The following CRK variants were observed in gnomAD, a reference collection of about 807,000 sequenced individuals.
CRK encodes the protein CRK proto-oncogene, adaptor protein.
In CRK, 4 loss-of-function variants were observed where a neutral mutation model predicts 29.8. The observed-to-expected ratio is 0.13, with a 90% confidence interval of 0.07 to 0.31. The LOEUF (loss-of-function observed/expected upper bound fraction) is 0.31, where lower values mean the gene tolerates loss of function less well. Among genes scored for constraint, CRK ranks in the 10% least tolerant of loss-of-function variants. CRK has a pLI of 1.00. For synonymous variants in CRK, 153 were observed against 164.9 expected (o/e 0.93, Z 0.55); for missense variants, 274 against 396.5 (o/e 0.69, Z 2.62).
At chr17:1,426,708 C>T (rs1472236914) in intron 2 of CRK, among the ~76,000 whole-genome samples, 1 of 151,858 alleles carries the variant, frequency 6.6e-6, no homozygotes, top group Admixed American at 6.6e-5. Context: ...TACTAAAATA[C>T]AAAAATTAGC....
Position 1,422,854 on chromosome 17 carries a change from T to G in CRK, c.*659A>C. On this transcript the variant is annotated 3_prime_UTR_variant, in exon 3 of 3. Coordinates refer to ENST00000300574, the MANE Select transcript of CRK (RefSeq NM_016823.4). Reference sequence around the variant, plus strand: ...TCCTGCTTTTCACCTGGAATGAAAATACACACTTATCTTAGGAATTCACCT... The same window carrying G: ...TCCTGCTTTTCACCTGGAATGAAAAGACACACTTATCTTAGGAATTCACCT... The G allele has an allele frequency of 5.0e-6, 2 of 398,374 alleles. No individual in the cohort carries two copies. 24.7% of individuals were successfully genotyped at this position (398,374 alleles called of 1,614,324 possible).
chr17:1,447,145 C>G (rs2073981679), intron 1 of CRK, among the ~76,000 whole-genome samples: 1 of 89,234 alleles, frequency 1.1e-5, no homozygotes, highest in Non-Finnish European at 2.5e-5. Flanking sequence ...GCTGTGTGTT[C>G]CGGCTCCTTT....
intron 1 of CRK, among the ~76,000 whole-genome samples, chr17:1,453,389 A>G (rs2074033138): frequency 6.6e-6 from 1 of 152,186 alleles, no homozygotes; most frequent in East Asian, 1.9e-4. Context: ...ACAAACACAA[A>G]CAAAAGGCTG....
At chr17:1,441,735 C>A (rs1424942194) in intron 1 of CRK, among the ~76,000 whole-genome samples, 2 of 151,996 alleles carry the variant, frequency 1.3e-5, no homozygotes, top group Non-Finnish European at 2.9e-5. Context: ...CGTGATCCAT[C>A]CACCTCGGCC....
chr17:1,433,842 T>C (rs1286450230), intron 2 of CRK, among the ~76,000 whole-genome samples: 2 of 151,014 alleles, frequency 1.3e-5, no homozygotes, highest in Non-Finnish European at 2.9e-5. Context: ...TTTTTTTTTT[T>C]TTTTTAGATC....
chr17:1,451,652 G>T (rs750792348), intron 1 of CRK, among the ~76,000 whole-genome samples: 6 of 152,114 alleles, frequency 3.9e-5, no homozygotes, highest in Non-Finnish European at 7.3e-5. Flanking sequence ...AAAGTTAAGG[G>T]CTGTAGTGCA....
intron 1 of CRK, among the ~76,000 whole-genome samples, chr17:1,446,213 C>T (rs531881035): frequency 1.3e-5 from 2 of 152,270 alleles, no homozygotes; most frequent in Admixed American, 6.5e-5. Flanking sequence ...GAAAGCGGCA[C>T]GTCTTAGGAA....
chr17:1,433,286 C>A (rs2073860631), intron 2 of CRK, among the ~76,000 whole-genome samples: 2 of 152,164 alleles, frequency 1.3e-5, no homozygotes. Context: ...TCCCTACTAC[C>A]AACCAGCAGC....
At chr17:1,449,472 AC>A (rs1255891822) in intron 1 of CRK, among the ~76,000 whole-genome samples, 1 of 152,136 alleles carries the variant, frequency 6.6e-6, no homozygotes, top group African/African-American at 2.4e-5. Flanking sequence ...CATTCCAACA[AC>A]CCTATGAGAT....
intron 1 of CRK, among the ~76,000 whole-genome samples, chr17:1,443,080 G>A (rs1261000529): frequency 2.6e-5 from 4 of 151,620 alleles, no homozygotes; most frequent in African/African-American, 9.7e-5. Context: ...CTGGGTTCAA[G>A]TGATTCTCTT....
intron 1 of CRK, among the ~76,000 whole-genome samples, chr17:1,447,474 A>G (rs1186328378): frequency 1.3e-5 from 2 of 152,036 alleles, no homozygotes; most frequent in Non-Finnish European, 2.9e-5. Context: ...CCATTTTTAC[A>G]AGGCCACTCC....
intron 1 of CRK, among the ~76,000 whole-genome samples, chr17:1,451,750 G>A (rs546361282): frequency 6.6e-6 from 1 of 151,904 alleles, no homozygotes; most frequent in South Asian, 2.1e-4. Context: ...AGGCCGAGGT[G>A]GGCGGATCAC....
chr17:1,446,440 C>T (rs951148639), intron 1 of CRK, among the ~76,000 whole-genome samples: 7 of 152,028 alleles, frequency 4.6e-5, no homozygotes, highest in Admixed American at 2.0e-4. Flanking sequence ...TACATTTTGG[C>T]GGGGAAAGAA....
intron 1 of CRK, among the ~76,000 whole-genome samples, chr17:1,443,692 C>T (rs140159917): frequency 0.01 from 1,587 of 151,368 alleles, 33 homozygotes; most frequent in African/African-American, 0.036. Context: ...AGCCACCGCG[C>T]CCAGCCCCAC....
chr17:1,444,543 A>T (rs953276973), intron 1 of CRK, among the ~76,000 whole-genome samples: 1 of 133,344 alleles, frequency 7.5e-6, no homozygotes, highest in African/African-American at 2.7e-5. Context: ...AAATAAAAAA[A>T]GCTGGGCGTG....
chr17:1,454,231 AAAAATT>A (rs1311127195), intron 1 of CRK, among the ~76,000 whole-genome samples: 2 of 151,746 alleles, frequency 1.3e-5, no homozygotes, highest in Non-Finnish European at 1.5e-5. Context: ...AATAAATAAG[AAAAATT>A]TTAAAAAAAT....
intron 1 of CRK, among the ~76,000 whole-genome samples, chr17:1,448,637 AAAAAAG>A (rs71148485): frequency 0.33 from 38,444 of 115,076 alleles, 8,037 homozygotes; most frequent in Non-Finnish European, 0.44. Context: ...AAAAAAAAAA[AAAAAAG>A]AAAAAGTGGC....
intron 2 of CRK, among the ~76,000 whole-genome samples, chr17:1,430,208 C>A (rs1240477194): frequency 1.3e-5 from 2 of 151,718 alleles, no homozygotes; most frequent in Non-Finnish European, 2.9e-5. Context: ...CCACGCCTGG[C>A]TAATTTTGTC....
intron 1 of CRK, among the ~76,000 whole-genome samples, chr17:1,449,999 G>C (rs759315307): frequency 6.6e-6 from 1 of 152,122 alleles, no homozygotes; most frequent in Non-Finnish European, 1.5e-5. Flanking sequence ...AGGAGATCGA[G>C]ACCAGCCTGG....
Sources: allele counts gnomAD v4.1 joint callset (sites outside exome capture counted in the v4.1 genomes callset), GRCh38; gene constraint gnomAD v4.1.1; transcripts MANE v1.5; gene names NCBI Gene and HGNC (gene_info 2026-07-23, HGNC 2026-07-21).